The following MALRD1 variants were observed in gnomAD, a reference collection of about 807,000 sequenced individuals.
The protein encoded by MALRD1 is MAM and LDL-receptor class A domain-containing protein 1.
In MALRD1, 247 loss-of-function variants were observed where a neutral mutation model predicts 242.1. That is an observed-to-expected ratio of 1.02 (90% confidence interval 0.92 to 1.13). The LOEUF is 1.13. Among genes scored for constraint, MALRD1 ranks in the 50% most tolerant of loss-of-function variants. MALRD1 has a pLI of 0.00. For missense variants in MALRD1, 2,989 were observed against 2,533.1 expected (o/e 1.18, Z -3.86); for synonymous variants, 995 against 866.6 (o/e 1.15, Z -2.60).
chr10:19,104,846 C>T (rs1836407423), intron 5 of MALRD1, among the ~76,000 whole-genome samples: 1 of 151,918 alleles, frequency 6.6e-6, no homozygotes, highest in South Asian at 2.1e-4. Context: ...TAAGAAAGAC[C>T]ATAGGATCTT....
intron 29 of MALRD1, among the ~76,000 whole-genome samples, chr10:19,476,732 C>A (rs892988611): frequency 6.6e-6 from 1 of 152,132 alleles, no homozygotes; most frequent in South Asian, 2.1e-4. Flanking sequence ...CTTTGGACAC[C>A]ATTCCAGGCT....
At chr10:19,661,371 A>T (rs546735066) in intron 36 of MALRD1, among the ~76,000 whole-genome samples, 1 of 152,192 alleles carries the variant, frequency 6.6e-6, no homozygotes, top group Non-Finnish European at 1.5e-5. Context: ...AATAGCAAAG[A>T]CTTGGAACCA....
At chr10:19,497,621 G>C (rs1002112556) in intron 30 of MALRD1, among the ~76,000 whole-genome samples, 2 of 152,028 alleles carry the variant, frequency 1.3e-5, no homozygotes, top group Admixed American at 1.3e-4. Flanking sequence ...TTGGTTGTAT[G>C]TTAAGGAAAA....
chr10:19,114,207 G>T (rs561100972), intron 5 of MALRD1, among the ~76,000 whole-genome samples: 25 of 152,186 alleles, frequency 1.6e-4, no homozygotes, highest in African/African-American at 5.3e-4. Context: ...ATATAATGAG[G>T]CTTTATTGAA....
chr10:19,186,469 A>G (rs1282119950), intron 14 of MALRD1, among the ~76,000 whole-genome samples: 1 of 152,220 alleles, frequency 6.6e-6, no homozygotes, highest in African/African-American at 2.4e-5. Context: ...TGCTATTTTG[A>G]TCAGTCTTTG....
chr10:19,057,508 G>C (rs1336356784), intron 1 of MALRD1, among the ~76,000 whole-genome samples: 3 of 152,058 alleles, frequency 2.0e-5, no homozygotes, highest in Admixed American at 2.0e-4. Context: ...TGGGAATTAG[G>C]GTTTTAAATA....
chr10:19,470,772 GTTAA>G (rs1836451415), intron 29 of MALRD1, among the ~76,000 whole-genome samples: 1 of 58,664 alleles, frequency 1.7e-5, no homozygotes, highest in Non-Finnish European at 3.0e-5. Context: ...ATTTTTGCAA[GTTAA>G]TTATTATTTT....
At chr10:19,096,017 C>A (rs1564387996) in intron 4 of MALRD1, among the ~76,000 whole-genome samples, 1 of 152,152 alleles carries the variant, frequency 6.6e-6, no homozygotes. Flanking sequence ...AACTTTGAAA[C>A]AGAGCTGATG....
intron 8 of MALRD1, among the ~76,000 whole-genome samples, chr10:19,130,549 GA>G (rs1833060735): frequency 1.3e-5 from 2 of 152,050 alleles, no homozygotes; most frequent in Admixed American, 1.3e-4. Flanking sequence ...AATTTAAGTG[GA>G]AATTTGTATT....
At chr10:19,187,687 G>A (rs776513746) in intron 14 of MALRD1, among the ~76,000 whole-genome samples, 4 of 151,984 alleles carry the variant, frequency 2.6e-5, no homozygotes, top group African/African-American at 7.3e-5. Context: ...GTTGGAGGCC[G>A]GAATCCTAAG....
At chr10:19,439,009 A>G (rs965492045) in intron 28 of MALRD1, among the ~76,000 whole-genome samples, 1 of 151,998 alleles carries the variant, frequency 6.6e-6, no homozygotes, top group African/African-American at 2.4e-5. Flanking sequence ...CCATCAGGGA[A>G]CTAGGAGCAT....
At chr10:19,721,404 T>A (rs1378288828) in intron 38 of MALRD1, among the ~76,000 whole-genome samples, 2 of 152,154 alleles carry the variant, frequency 1.3e-5, no homozygotes, top group African/African-American at 4.8e-5. Context: ...CCATTAATTA[T>A]GCTAAACAAA....
chr10:19,497,082 A>C (rs941638688), intron 30 of MALRD1, among the ~76,000 whole-genome samples: 8 of 152,160 alleles, frequency 5.3e-5, no homozygotes, highest in African/African-American at 1.9e-4. Context: ...ATCACAGAGA[A>C]TAGAAAAGGA....
intron 1 of MALRD1, among the ~76,000 whole-genome samples, chr10:19,066,405 G>A (rs1205009908): frequency 6.6e-6 from 1 of 152,268 alleles, no homozygotes; most frequent in East Asian, 1.9e-4. Context: ...GTAAAGAAAA[G>A]GCTTGCTATG....
At chr10:19,283,878 A>G (rs1168280656) in intron 21 of MALRD1, among the ~76,000 whole-genome samples, 2 of 152,224 alleles carry the variant, frequency 1.3e-5, no homozygotes, top group African/African-American at 4.8e-5. Flanking sequence ...ACGCTGCGGT[A>G]GGCACTAGAA....
At chr10:19,144,458 G>A (rs535261667) in intron 10 of MALRD1, among the ~76,000 whole-genome samples, 12 of 152,150 alleles carry the variant, frequency 7.9e-5, no homozygotes, top group Admixed American at 2.6e-4. Context: ...TTTGCATACC[G>A]CACTTCAATG....
Position 19,467,216 on chromosome 10 carries a change from G to A in MALRD1, c.5029+16726G>A, listed in dbSNP as rs1166535028. ...AAAAATACAAAAAAATTAGCCGGGT[G>A]TGGTGGTGGGCGCCTGTAGTCTCAG... On this transcript the variant is annotated intron_variant, in intron 29 of 39. Coordinates refer to ENST00000454679, the MANE Select transcript of MALRD1 (RefSeq NM_001142308.3). 2.5e-4 allele frequency among the ~76,000 whole-genome samples: 14 copies of A among 56,312 alleles called. No homozygotes were observed. The South Asian group carries it at 0.013, about 54-fold the overall frequency. 36.9% of individuals were successfully genotyped at this position (56,312 alleles called of 152,430 possible).
chr10:19,305,748 C>T (rs1842135034), intron 21 of MALRD1, among the ~76,000 whole-genome samples: 1 of 144,976 alleles, frequency 6.9e-6, no homozygotes, highest in East Asian at 2.0e-4. Context: ...ATTCTATATA[C>T]AGAGAGTATA....
chr10:19,369,600 C>T lies in MALRD1; in HGVS notation c.4441+17303C>T, dbSNP rs368739736. Among the ~76,000 whole-genome samples, 145 of 146,108 alleles carry T rather than the reference C, an allele frequency of 9.9e-4. No individual in the cohort carries two copies. The East Asian group carries it at 0.021, about 21-fold the overall frequency. The stretch of plus-strand genomic sequence containing the variant: ...GTGAATATATCCATATAAATATAGC[C>T]GCATAAATATATTTAAATATACATA... On this transcript the variant is annotated intron_variant, in intron 26 of 39. Coordinates refer to ENST00000454679, the MANE Select transcript of MALRD1 (RefSeq NM_001142308.3).
Sources: allele counts gnomAD v4.1 joint callset (sites outside exome capture counted in the v4.1 genomes callset), GRCh38; gene constraint gnomAD v4.1.1; transcripts MANE v1.5; gene names NCBI Gene and HGNC (gene_info 2026-07-23, HGNC 2026-07-21).